The following KIDINS220 variants were observed in gnomAD, a reference collection of about 807,000 sequenced individuals.
KIDINS220 encodes kinase D interacting substrate 220, also known as kinase D-interacting substrate of 220 kDa.
KIDINS220 carries 63 observed loss-of-function variants against 157.6 expected under a neutral mutation model. That is an observed-to-expected ratio of 0.40 (90% CI 0.33 to 0.49). The LOEUF (loss-of-function observed/expected upper bound fraction) is 0.49, where lower values mean the gene tolerates loss of function less well. KIDINS220 is among the 20% of genes least tolerant of loss of function. The pLI, the probability that KIDINS220 is intolerant of heterozygous loss-of-function variation, is 0.66. For synonymous variants in KIDINS220, 732 were observed against 783.6 expected, an observed-to-expected ratio of 0.93 and a Z score of 1.10; for missense variants, 1,772 against 2,171.2, an observed-to-expected ratio of 0.82 and a Z score of 3.65.
chr2:8,836,860 T>G (rs1301495948), intron 1 of KIDINS220, among the ~76,000 whole-genome samples: 3 of 152,076 alleles, frequency 2.0e-5, no homozygotes, highest in African/African-American at 7.2e-5. Flanking sequence ...ATAAAAAAAT[T>G]TTTCATCGGT....
rs1020339054 is a variant in KIDINS220, at chr2:8,729,030, C to T, written c.*1690G>A. ...AAGAATGTACTCCAATGATATTACG[C>T]GGCAACTACTCACCTGAAAAAGAAA... On this transcript the variant is annotated 3_prime_UTR_variant, in exon 30 of 30. Transcript: ENST00000256707. 43 of 981,820 alleles carry T rather than the reference C, an allele frequency of 4.4e-5. No individual in the cohort carries two copies. The highest frequency in any genetic ancestry group is 2.5e-4 in the Admixed American group (4 of 16,250). The allele number at this position is 981,820 out of a possible 1,614,324, so 60.8% of individuals were successfully genotyped here.
At chr2:8,808,999 T>C (rs1436471448) in intron 6 of KIDINS220, among the ~76,000 whole-genome samples, 1 of 134,416 alleles carries the variant, frequency 7.4e-6, no homozygotes, top group Non-Finnish European at 1.6e-5. Context: ...GATCTATGTA[T>C]CTTTTTTTGG....
At chr2:8,791,280 G>T in intron 12 of KIDINS220, 56 bp from the exon 13 acceptor site, 1 of 1,430,154 alleles carries the variant, frequency 7.0e-7, no homozygotes, top group South Asian at 1.3e-5. Context: ...TATTAGAAAT[G>T]AACACTATTT....
At chr2:8,742,258 C>T (rs1665730837) in intron 26 of KIDINS220, among the ~76,000 whole-genome samples, 1 of 150,706 alleles carries the variant, frequency 6.6e-6, no homozygotes, top group African/African-American at 2.5e-5. Context: ...CCATGCCCTG[C>T]CTGGCTAATT....
At chr2:8,810,114 G>A (rs1558468869) in intron 6 of KIDINS220, among the ~76,000 whole-genome samples, 1 of 152,126 alleles carries the variant, frequency 6.6e-6, no homozygotes, top group African/African-American at 2.4e-5. Context: ...TCTCACGGAT[G>A]TAAACTCTAC....
At chr2:8,749,757 A>G (rs1271214738) in intron 24 of KIDINS220, among the ~76,000 whole-genome samples, 2 of 152,182 alleles carry the variant, frequency 1.3e-5, no homozygotes, top group Non-Finnish European at 2.9e-5. Flanking sequence ...TTAAATGCCA[A>G]TATAAACTAT....
At chr2:8,781,153 A>ATGTATATATAATATAT (rs70946383) in intron 17 of KIDINS220, among the ~76,000 whole-genome samples, 1 of 130,410 alleles carries the variant, frequency 7.7e-6, no homozygotes, top group African/African-American at 2.8e-5. Context: ...ATATATATAT[A>ATGTATATATAATATAT]ATATATATAT....
intron 26 of KIDINS220, among the ~76,000 whole-genome samples, chr2:8,744,384 AAAAAATATATATATATAATATATATAT>A (rs1666169501): frequency 1.3e-3 from 37 of 27,924 alleles, no homozygotes; most frequent in Middle Eastern, 0.056. Context: ...AAAAAAAAAA[AAAAAATATATATATATAATATATATAT>A]ATATATATAT....
chr2:8,767,877 A>T (rs1669682142), intron 22 of KIDINS220, among the ~76,000 whole-genome samples: 1 of 152,214 alleles, frequency 6.6e-6, no homozygotes. Flanking sequence ...TGTACAGCAA[A>T]TTGCTACTTC....
chr2:8,822,449 C>T (rs994863592), intron 2 of KIDINS220, among the ~76,000 whole-genome samples: 2 of 151,980 alleles, frequency 1.3e-5, no homozygotes, highest in Admixed American at 6.6e-5. Flanking sequence ...CATTGTGAAA[C>T]TTCATCTCTA....
intron 1 of KIDINS220, among the ~76,000 whole-genome samples, chr2:8,827,946 C>A (rs1248661836): frequency 6.6e-6 from 1 of 152,188 alleles, no homozygotes; most frequent in East Asian, 1.9e-4. Context: ...CCTGACTCTG[C>A]ATCTTTATCC....
In KIDINS220 at chr2:8,735,987, T is replaced by A. The variant is rs118191314; in HGVS notation, c.3717+881A>T. On this transcript the variant is annotated intron_variant, in intron 27 of 29. Coordinates refer to ENST00000256707, the MANE Select transcript of KIDINS220 (RefSeq NM_020738.4). ...TGCCTGAAGGAGAAAGTGGGGCTTA[T>A]CCATGGAAAAGCCGGTGTTTGACTC... Among the ~76,000 whole-genome samples, 27 of 152,294 alleles carry A rather than the reference T, an allele frequency of 1.8e-4. No individual in the cohort carries two copies. The East Asian group carries it at 5.0e-3, about 28-fold the overall frequency.
chr2:8,725,110 G>A (rs563817938), downstream of KIDINS220: 5 of 152,234 alleles, frequency 3.3e-5, no homozygotes, highest in East Asian at 9.6e-4. Flanking sequence ...CAAAATGACT[G>A]AAAAGAACTC....
intron 26 of KIDINS220, chr2:8,746,665 C>A (rs571459287): frequency 2.0e-5 from 3 of 153,008 alleles, no homozygotes; most frequent in South Asian, 4.1e-4. Flanking sequence ...AATGTAGACA[C>A]CTAGATTGAG....
rs1265826278 is a variant in KIDINS220 at position 8,731,704 on chromosome 2, A to G, written c.4332T>C (p.Asp1444=). The stretch of plus-strand genomic sequence containing the variant: ...TCATTAGAAAGGACTTCCTCCCATC[A>G]TCGGGCTTTGGTTCACTATCCTTCC... The part of the protein sequence containing the change: ...EKGKDSEPKP[D]DGRKSFLMKR... The change falls in exon 30 of 30, where the codon GAT becomes GAC. Residue 1444 remains aspartate (D), a synonymous_variant. Coordinates refer to ENST00000256707, the MANE Select transcript of KIDINS220 (RefSeq NM_020738.4). The surrounding 1 kb of genome is among the most constrained non-coding windows in gnomAD (Gnocchi z 5.2). 1.2e-6 allele frequency: 2 copies of G among 1,614,154 alleles called. No individual in the cohort carries two copies. The highest frequency in any genetic ancestry group is 1.7e-6 in the Non-Finnish European group (2 of 1,180,026).
chr2:8,756,534 G>A (rs1263123620), intron 22 of KIDINS220, among the ~76,000 whole-genome samples: 11 of 152,188 alleles, frequency 7.2e-5, no homozygotes, highest in Non-Finnish European at 1.2e-4. Context: ...GAATACCATA[G>A]GCTGGGTGGC....
At chr2:8,785,653 A>T in intron 17 of KIDINS220, 88 bp downstream of exon 17, 1 of 1,059,136 alleles carries the variant, frequency 9.4e-7, no homozygotes, top group Non-Finnish European at 1.4e-6. Context: ...TTTAACATTT[A>T]GAGAGTGTAC....
At chr2:8,818,615 C>A in intron 3 of KIDINS220, 80 bp downstream of exon 3, 1 of 762,424 alleles carries the variant, frequency 1.3e-6, no homozygotes, top group Non-Finnish European at 2.2e-6. Flanking sequence ...TTAATTACTA[C>A]TTTTGAATCA....
At chr2:8,779,918 ACATT>A in intron 17 of KIDINS220, 104 bp from the exon 18 acceptor site, 1 of 1,199,360 alleles carries the variant, frequency 8.3e-7, no homozygotes, top group South Asian at 1.4e-5. Flanking sequence ...GGAACAGAAG[ACATT>A]CAAAGTCCTT....
Sources: allele counts gnomAD v4.1 joint callset (sites outside exome capture counted in the v4.1 genomes callset), GRCh38; gene constraint gnomAD v4.1.1; non-coding constraint Gnocchi (gnomAD v3.1); transcripts MANE v1.5; gene names NCBI Gene and HGNC (gene_info 2026-07-23, HGNC 2026-07-21).